The following C8orf34 variants were observed in gnomAD, a reference collection of about 807,000 sequenced individuals.
C8orf34 encodes the protein uncharacterized protein C8orf34.
In C8orf34, 65 loss-of-function variants were observed where a neutral mutation model predicts 68.3. The ratio of observed to expected loss-of-function variants is 0.95; its 90% CI spans 0.78 to 1.17. The LOEUF is 1.17. Among genes scored for constraint, C8orf34 ranks in the 50% most tolerant of loss-of-function variants. The probability of loss-of-function intolerance (pLI) is 0.00; values close to 1 mark genes in which losing one functional copy is unlikely to be tolerated. For synonymous variants in C8orf34, 244 were observed against 241.2 expected (o/e 1.01, Z -0.11); for missense variants, 664 against 655.4 (o/e 1.01, Z -0.14).
rs571728104 is a variant in C8orf34 at position 68,710,216 on chromosome 8, C to A, written c.1327+1137C>A. On this transcript the variant is annotated intron_variant, in intron 9 of 13. Coordinates refer to ENST00000518698, the MANE Select transcript of C8orf34 (RefSeq NM_052958.4). ...TCCAAGAAGTACCGCAGGAACATAA[C>A]AGGAAAGGTGAGAGAATCCACAGAC... Among the ~76,000 whole-genome samples, 136 of 152,170 alleles carry A rather than the reference C, an allele frequency of 8.9e-4. 2 individuals carry two copies. The highest frequency in any genetic ancestry group is 3.3e-3 in the African/African-American group (135 of 41,512).
chr8:68,434,764 A>G (rs929509649), intron 1 of C8orf34, among the ~76,000 whole-genome samples: 1 of 152,114 alleles, frequency 6.6e-6, no homozygotes, highest in Non-Finnish European at 1.5e-5. Context: ...GAGAACATTG[A>G]GGCTGGGCGC....
At chr8:68,354,124 C>T (rs577753965) in intron 1 of C8orf34, among the ~76,000 whole-genome samples, 26 of 151,878 alleles carry the variant, frequency 1.7e-4, no homozygotes, top group East Asian at 3.9e-4. Flanking sequence ...TTAATTTGTG[C>T]GCTAAATTAT....
At chr8:68,478,345 G>A (rs370513298) in intron 4 of C8orf34, among the ~76,000 whole-genome samples, 5 of 152,110 alleles carry the variant, frequency 3.3e-5, no homozygotes, top group Admixed American at 6.5e-5. Flanking sequence ...CTGAGACCAC[G>A]TCAGCCTGGG....
intron 5 of C8orf34, among the ~76,000 whole-genome samples, chr8:68,511,338 C>A (rs1261848328): frequency 6.6e-6 from 1 of 152,092 alleles, no homozygotes; most frequent in Admixed American, 6.6e-5. Context: ...CTGTGTCATT[C>A]CCCTATTGAC....
chr8:68,405,157 G>A (rs984631053), intron 1 of C8orf34, among the ~76,000 whole-genome samples: 1 of 152,022 alleles, frequency 6.6e-6, no homozygotes, highest in East Asian at 1.9e-4. Flanking sequence ...TTCTTAAGAT[G>A]GTTTGATGAT....
intron 5 of C8orf34, among the ~76,000 whole-genome samples, chr8:68,506,054 T>C (rs145950885): frequency 6.6e-5 from 10 of 152,256 alleles, no homozygotes; most frequent in African/African-American, 2.2e-4. Context: ...ATTTTAACTT[T>C]AACCCCTTGG....
chr8:68,496,983 A>G (rs1813552115), intron 5 of C8orf34, among the ~76,000 whole-genome samples: 1 of 152,170 alleles, frequency 6.6e-6, no homozygotes, highest in Non-Finnish European at 1.5e-5. Context: ...TTCTAATACT[A>G]AGAAAGATAG....
At position 68,569,503 on chromosome 8, in the gene C8orf34, G is replaced by GCCCTATGCCTGGGTTGCAGA. The variant is rs371101925; in HGVS notation, c.1105+36357_1105+36358insTATGCCTGGGTTGCAGACCC. Among the ~76,000 whole-genome samples the GCCCTATGCCTGGGTTGCAGA allele has an allele frequency of 8.2e-3, 1,251 of 152,276 alleles. 20 individuals carry two copies. The highest frequency in any genetic ancestry group is 0.028 in the African/African-American group (1,179 of 41,562). On this transcript the variant is annotated intron_variant, in intron 7 of 13. Transcript: ENST00000518698. ...CGGGACTCCCAGTAGCTGGGACACT[G>GCCCTATGCCTGGGTTGCAGA]CCCCATGGCAGACATCTGCAGGAGC...
intron 7 of C8orf34, among the ~76,000 whole-genome samples, chr8:68,580,935 G>T (rs114498583): frequency 0.016 from 2,374 of 152,094 alleles, 36 homozygotes; most frequent in African/African-American, 0.029. Flanking sequence ...ATTACTCAAG[G>T]TTCAGTATGG....
In C8orf34 at chr8:68,759,150, A is replaced by G. The variant is rs545385651; in HGVS notation, c.1405-17249A>G. Among the ~76,000 whole-genome samples the G allele has an allele frequency of 6.6e-5, 10 of 152,222 alleles. 1 individual carries two copies. In the East Asian group the frequency reaches 1.9e-3, roughly 29 times the overall value. ...TATTCCTCTTAATCATTCTAACCAA[A>G]TCTTTGCACATGTATATCCAAGTCA... On this transcript the variant is annotated intron_variant, in intron 10 of 13. Coordinates refer to ENST00000518698, the MANE Select transcript of C8orf34 (RefSeq NM_052958.4).
intron 8 of C8orf34, among the ~76,000 whole-genome samples, chr8:68,663,538 A>G (rs1819748388): frequency 6.6e-6 from 1 of 152,178 alleles, no homozygotes; most frequent in Non-Finnish European, 1.5e-5. Context: ...GAACTTGAGC[A>G]AAGTTCTTAT....
chr8:68,440,370 A>G lies in C8orf34; in HGVS notation c.475+724A>G, dbSNP rs145607387. On this transcript the variant is annotated intron_variant, in intron 2 of 13. Coordinates refer to ENST00000518698, the MANE Select transcript of C8orf34 (RefSeq NM_052958.4). ...TTGGATGGCATTATCACTTCTCTCC[A>G]CCTCTTCATGCTTTATGGGATCCCA... is the stretch of plus-strand genomic sequence containing the variant. Among the ~76,000 whole-genome samples the G allele has an allele frequency of 7.6e-3, 1,157 of 151,476 alleles. 15 individuals are homozygous for G. The highest frequency in any genetic ancestry group is 0.026 in the African/African-American group (1,054 of 41,254).
chr8:68,613,451 CA>C (rs1818089311), intron 7 of C8orf34, among the ~76,000 whole-genome samples: 1 of 149,860 alleles, frequency 6.7e-6, no homozygotes, highest in Non-Finnish European at 1.5e-5. Context: ...CCTCCCCCCA[CA>C]CAACAGTCCC....
At chr8:68,795,059 TA>T (rs1824138572) in intron 12 of C8orf34, among the ~76,000 whole-genome samples, 1 of 152,210 alleles carries the variant, frequency 6.6e-6, no homozygotes, top group Non-Finnish European at 1.5e-5. Flanking sequence ...ATCTTCAAGT[TA>T]TTTTTTCCAT....
chr8:68,560,433 A>T (rs984369867), intron 7 of C8orf34, among the ~76,000 whole-genome samples: 1 of 152,122 alleles, frequency 6.6e-6, no homozygotes, highest in African/African-American at 2.4e-5. Context: ...GTGACAACAG[A>T]TTTACCTTCA....
chr8:68,470,610 G>A (rs534495892), intron 4 of C8orf34, among the ~76,000 whole-genome samples: 1 of 152,194 alleles, frequency 6.6e-6, no homozygotes, highest in Non-Finnish European at 1.5e-5. Context: ...ACTGTAGCCT[G>A]AGTGACTTAT....
At chr8:68,765,077 A>AG (rs200447568) in intron 10 of C8orf34, among the ~76,000 whole-genome samples, 2,198 of 152,298 alleles carry the variant, frequency 0.014, 47 homozygotes, top group African/African-American at 0.047. Flanking sequence ...GCCTTTCATT[A>AG]TAAACTAAAC....
At chr8:68,406,116 G>A (rs964036964) in intron 1 of C8orf34, among the ~76,000 whole-genome samples, 29 of 152,274 alleles carry the variant, frequency 1.9e-4, no homozygotes, top group African/African-American at 7.0e-4. Flanking sequence ...TTGGCCTGGG[G>A]ACCCAACATG....
intron 8 of C8orf34, among the ~76,000 whole-genome samples, chr8:68,659,286 G>A (rs1208031094): frequency 3.3e-5 from 5 of 152,026 alleles, no homozygotes; most frequent in Non-Finnish European, 7.4e-5. Context: ...ATTTAATATT[G>A]GAGCACTTAA....
Sources: gnomAD v4.1 joint callset for allele counts (sites outside exome capture counted in the v4.1 genomes callset) on GRCh38, gnomAD v4.1.1 for gene constraint, MANE v1.5 for transcripts, NCBI Gene and HGNC (gene_info 2026-07-23, HGNC 2026-07-21) for gene names.